GLT8D2: variants seen among roughly 807,000 people sequenced by gnomAD.
GLT8D2 encodes the protein glycosyltransferase 8 domain-containing protein 2.
A neutral mutation model predicts 44.5 loss-of-function variants in GLT8D2; 45 were observed. That is an observed-to-expected ratio of 1.01 (90% CI 0.80 to 1.30). The LOEUF is 1.30. Among genes scored for constraint, GLT8D2 ranks in the 50% most tolerant of loss-of-function variants. GLT8D2 has a pLI of 0.00. For synonymous variants in GLT8D2, 156 were observed against 157.2 expected (o/e 0.99, Z 0.06); for missense variants, 400 against 430.4 (o/e 0.93, Z 0.62).
Position 103,989,552 on chromosome 12 carries a change from C to T in GLT8D2, c.906G>A (p.Ser302=), listed in dbSNP as rs759442554. ...ATTTAGCTTCCTGCAGAAAATGCTC[C>T]GAATATCTGGCATCTGGATTCCAGC... The part of the protein sequence containing the change: ...HLGWNPDARY[S]EHFLQEAKLL... Residue 302 remains serine, a synonymous_variant, in exon 11 of 11, where the codon TCG becomes TCA. Coordinates refer to ENST00000360814, the MANE Select transcript of GLT8D2 (RefSeq NM_001384711.1). 1.2e-5 allele frequency: 20 copies of T among 1,612,070 alleles called. No homozygotes were observed. The highest frequency in any genetic ancestry group is 6.7e-5 in the Admixed American group (4 of 59,642).
At chr12:104,056,972 A>G (rs1186524519) in intron 1 of GLT8D2, among the ~76,000 whole-genome samples, 2 of 152,262 alleles carry the variant, frequency 1.3e-5, no homozygotes, top group African/African-American at 4.8e-5. Flanking sequence ...GCAAAGAAAC[A>G]AAAAGTGATT....
intron 4 of GLT8D2, among the ~76,000 whole-genome samples, chr12:104,009,829 T>G (rs192268288): frequency 1.3e-5 from 2 of 152,214 alleles, no homozygotes; most frequent in African/African-American, 4.8e-5. Flanking sequence ...GGATTTTCAC[T>G]TTTGTATCTC....
chr12:104,027,462 T>A (rs964521580), intron 1 of GLT8D2, among the ~76,000 whole-genome samples: 3 of 152,226 alleles, frequency 2.0e-5, no homozygotes, highest in African/African-American at 7.2e-5. Flanking sequence ...TTCCTGGACA[T>A]CCTAGTTATG....
chr12:104,006,564 C>T (rs1439860767), intron 4 of GLT8D2, among the ~76,000 whole-genome samples: 1 of 152,082 alleles, frequency 6.6e-6, no homozygotes, highest in East Asian at 1.9e-4. Context: ...CTGTGCATGC[C>T]TCAGGACCTT....
intron 9 of GLT8D2, 148 bp downstream of exon 9, chr12:103,994,187 C>T (rs1384114342): frequency 6.6e-6 from 4 of 606,182 alleles, no homozygotes; most frequent in African/African-American, 3.8e-5. Context: ...AATTGACTGC[C>T]CCCTTTTCTT....
intron 1 of GLT8D2, among the ~76,000 whole-genome samples, chr12:104,044,205 T>C: frequency 6.6e-6 from 1 of 152,300 alleles, no homozygotes; most frequent in East Asian, 1.9e-4. Flanking sequence ...TTCCCAGATA[T>C]CTACATGGCT....
chr12:104,028,003 A>G (rs1878788474), intron 1 of GLT8D2, among the ~76,000 whole-genome samples: 1 of 152,162 alleles, frequency 6.6e-6, no homozygotes, highest in Non-Finnish European at 1.5e-5. Context: ...TAACTATGAG[A>G]CCACTCCAGA....
chr12:104,020,731 C>T (rs908048181), intron 2 of GLT8D2, among the ~76,000 whole-genome samples: 1 of 152,118 alleles, frequency 6.6e-6, no homozygotes, highest in Non-Finnish European at 1.5e-5. Context: ...AGAGCAAGAG[C>T]CAGTCAAGGG....
At chr12:104,018,296 G>A (rs1386147467) in intron 3 of GLT8D2, among the ~76,000 whole-genome samples, 2 of 151,870 alleles carry the variant, frequency 1.3e-5, no homozygotes, top group African/African-American at 4.8e-5. Flanking sequence ...TTATTTTTAT[G>A]CATCAAGAGA....
rs1056475154 is a variant in GLT8D2 at position 104,001,799 on chromosome 12, G to A, written c.284+1336C>T. ...GCTCACTGCAACCTCCACCTCCTGG[G>A]TTTAAGCCATTCTCTGGCCTCAGCC... On this transcript the variant is annotated intron_variant, in intron 5 of 10. Transcript: ENST00000360814. Among the ~76,000 whole-genome samples, 7 of 152,180 alleles carry A rather than the reference G, an allele frequency of 4.6e-5. No individual in the cohort carries two copies. The East Asian group carries it at 1.4e-3, about 29-fold the overall frequency.
At chr12:104,014,985 C>T (rs375539977) in intron 4 of GLT8D2, 28 bp downstream of exon 4, 58 of 1,508,202 alleles carry the variant, frequency 3.8e-5, no homozygotes, top group Middle Eastern at 1.7e-4. Context: ...CTGGGTATCC[C>T]AACTCAATGA....
chr12:104,014,268 T>C (rs1045513664), intron 4 of GLT8D2: 1 of 700,398 alleles, frequency 1.4e-6, no homozygotes, highest in South Asian at 1.5e-5. Context: ...GGCCGGAGGA[T>C]TGCTTGAGCC....
intron 1 of GLT8D2, among the ~76,000 whole-genome samples, chr12:104,045,339 T>C (rs980623364): frequency 6.6e-6 from 1 of 152,136 alleles, no homozygotes; most frequent in Non-Finnish European, 1.5e-5. Context: ...CTAGCCCTAG[T>C]GACTTCCGTG....
At chr12:104,003,952 C>A (rs1219808441) in intron 4 of GLT8D2, among the ~76,000 whole-genome samples, 1 of 151,990 alleles carries the variant, frequency 6.6e-6, no homozygotes, top group Non-Finnish European at 1.5e-5. Context: ...GATTATATCC[C>A]TGATGAACAC....
chr12:104,027,378 C>T (rs575104851), intron 1 of GLT8D2, among the ~76,000 whole-genome samples: 2 of 152,340 alleles, frequency 1.3e-5, no homozygotes, highest in Admixed American at 6.5e-5. Flanking sequence ...ATGAAAGAAG[C>T]CATCTGGTAT....
chr12:104,059,704 C>T (rs1882467051), intron 1 of GLT8D2, among the ~76,000 whole-genome samples: 1 of 151,952 alleles, frequency 6.6e-6, no homozygotes, highest in Admixed American at 6.6e-5. Flanking sequence ...TGGGAAAGTT[C>T]TTATTTGTTT....
Position 103,996,817 on chromosome 12 carries a change from A to G in GLT8D2, c.518T>C (p.Leu173Ser). 6.2e-7 allele frequency: 1 copy of G among 1,614,088 alleles called. No homozygotes were observed. The highest frequency in any genetic ancestry group is 8.5e-7 in the Non-Finnish European group (1 of 1,179,942). The stretch of plus-strand genomic sequence containing the variant: ...GAAAGCCGCCGCGTGGCCCAGGGCC[A>G]AGGTGGTGTCATACAGTTCTTGGAT... ...GDIQELYDTT[L>S]ALGHAAAFSD... The change falls in exon 8 of 11, where the codon TTG becomes TCG. Residue 173 changes from leucine (L) to serine (S), a missense_variant. Leu to Ser is a moderately radical substitution (Grantham distance 145, BLOSUM62 -2). Transcript: ENST00000360814.
At chr12:104,058,654 A>G (rs1177794435) in intron 1 of GLT8D2, among the ~76,000 whole-genome samples, 1 of 152,214 alleles carries the variant, frequency 6.6e-6, no homozygotes, top group African/African-American at 2.4e-5. Context: ...GCTACAACCT[A>G]TTGGGTCTTA....
At chr12:104,064,392 A>AC (rs954354521), upstream of GLT8D2, 45 of 554,124 alleles carry the variant, frequency 8.1e-5, no homozygotes, top group Non-Finnish European at 1.0e-4. This position sits in a 1 kb window ranked among gnomAD's most constrained non-coding sequence, Gnocchi z 7.3. Context: ...CCCTGTCAGG[A>AC]CCCCCCTTCC....
Sources: allele counts gnomAD v4.1 joint callset (sites outside exome capture counted in the v4.1 genomes callset), GRCh38; gene constraint gnomAD v4.1.1; non-coding constraint Gnocchi (gnomAD v3.1); transcripts MANE v1.5; gene names NCBI Gene and HGNC (gene_info 2026-07-23, HGNC 2026-07-21).